Variants in CNTN6 observed in about 807,000 individuals in gnomAD.
CNTN6 encodes the protein contactin 6.
In CNTN6, 137 loss-of-function variants were observed where a neutral mutation model predicts 122.8. The ratio of observed to expected loss-of-function variants is 1.12; its 90% CI spans 0.97 to 1.29. The LOEUF is 1.29. Among genes scored for constraint, CNTN6 ranks in the 50% most tolerant of loss-of-function variants. The pLI is 0.00. For synonymous variants in CNTN6, 570 were observed against 426.0 expected, an observed-to-expected ratio of 1.34 and a Z score of -4.16; for missense variants, 1,634 against 1,223.4, an observed-to-expected ratio of 1.34 and a Z score of -5.01.
chr3:1,245,297 TATATATA>T lies in CNTN6; in HGVS notation c.358+17305_358+17311del, dbSNP rs2094561250. On this transcript the variant is annotated intron_variant, in intron 4 of 22. Transcript: ENST00000446702. Reference sequence around the variant, plus strand: ...TATACACACACATATATATATAACATATATATATATATATATATATATATATATATAT... The same window carrying T: ...TATACACACACATATATATATAACATTATATATATATATATATATATATAT... Among the ~76,000 whole-genome samples, 16 of 4,234 alleles carry T rather than the reference TATATATA, an allele frequency of 3.8e-3. 2 individuals carry two copies. Among genetic ancestry groups the T allele is most frequent in the African/African-American group, 8.6e-3 (7 of 814 alleles). The allele number at this position is 4,234 out of a possible 152,430, so 2.8% of individuals were successfully genotyped here.
chr3:1,373,985 G>A lies in CNTN6; in HGVS notation c.2007G>A (p.Val669=), dbSNP rs751450061. The A allele has an allele frequency of 5.6e-6, 9 of 1,613,118 alleles. No individual in the cohort carries two copies. Among genetic ancestry groups the A allele is most frequent in the Non-Finnish European group, 7.6e-6 (9 of 1,179,408 alleles). Residue 669 remains valine (V), a synonymous_variant, in exon 16 of 23, where the codon GTG becomes GTA. Coordinates refer to ENST00000446702, the MANE Select transcript of CNTN6 (RefSeq NM_001289080.2). ...CAGTGGTTGGTTTGAGTCCTTGGGT[G>A]GAATATGAATTTCGTGTTGTTGCCG... The part of the protein sequence containing the change: ...NATVVGLSPW[V]EYEFRVVAGN...
intron 12 of CNTN6, among the ~76,000 whole-genome samples, chr3:1,367,043 G>T (rs898160634): frequency 6.6e-6 from 1 of 152,016 alleles, no homozygotes; most frequent in Non-Finnish European, 1.5e-5. Context: ...TTGATGAATA[G>T]TAATTTTGTT....
At chr3:1,296,322 A>G (rs1027272370) in intron 6 of CNTN6, among the ~76,000 whole-genome samples, 1 of 151,808 alleles carries the variant, frequency 6.6e-6, no homozygotes, top group African/African-American at 2.4e-5. Context: ...TCCAGAGAAG[A>G]ATGAAACACA....
chr3:1,285,838 A>G (rs6763212), intron 5 of CNTN6, among the ~76,000 whole-genome samples: 132,333 of 152,164 alleles, frequency 0.87, 57,716 homozygotes, highest in East Asian at 0.98. Context: ...CAAGGAGATA[A>G]CAAGAGTTCT....
rs150794474 is a variant in CNTN6, at chr3:1,287,291, C to T, written c.455-8310C>T. Reference sequence around the variant, plus strand: ...CGTTGTTAAGATGTTTAGTAATATCCCTGGCTTTTACTTACTAGATGCCAA... The same window carrying T: ...CGTTGTTAAGATGTTTAGTAATATCTCTGGCTTTTACTTACTAGATGCCAA... On this transcript the variant is annotated intron_variant, in intron 5 of 22. Transcript: ENST00000446702. 8.0e-3 allele frequency among the ~76,000 whole-genome samples: 1,217 copies of T among 152,186 alleles called. 11 individuals are homozygous for T. Among genetic ancestry groups the T allele is most frequent in the Non-Finnish European group, 0.014 (919 of 68,012 alleles).
chr3:1,179,576 A>G (rs2093516626), intron 2 of CNTN6, among the ~76,000 whole-genome samples: 2 of 152,112 alleles, frequency 1.3e-5, no homozygotes, highest in South Asian at 4.1e-4. Flanking sequence ...AATGCTTCTT[A>G]TCTCTAGCTG....
intron 2 of CNTN6, among the ~76,000 whole-genome samples, chr3:1,219,659 T>A (rs1256787866): frequency 6.6e-6 from 1 of 152,084 alleles, no homozygotes; most frequent in Non-Finnish European, 1.5e-5. Context: ...TCTAAGGTGT[T>A]AAAGTCAGGG....
Position 1,245,302 on chromosome 3 carries a change from AT to A in CNTN6, c.358+17310del, listed in dbSNP as rs1311262277. Among the ~76,000 whole-genome samples the A allele has an allele frequency of 2.6e-3, 16 of 6,192 alleles. 2 individuals are homozygous for A. The highest frequency in any genetic ancestry group is 8.9e-3 in the African/African-American group (15 of 1,690). The allele number at this position is 6,192 out of a possible 152,430, so 4.1% of individuals were successfully genotyped here. On this transcript the variant is annotated intron_variant, in intron 4 of 22. Coordinates refer to ENST00000446702, the MANE Select transcript of CNTN6 (RefSeq NM_001289080.2). ...ACACACATATATATATAACATATAT[AT>A]ATATATATATATATATATATATATA...
intron 12 of CNTN6, among the ~76,000 whole-genome samples, chr3:1,368,857 C>A (rs1708593220): frequency 6.6e-6 from 1 of 152,064 alleles, no homozygotes; most frequent in African/African-American, 2.4e-5. Flanking sequence ...GTATTTAATA[C>A]CTTTAATGAC....
intron 2 of CNTN6, among the ~76,000 whole-genome samples, chr3:1,159,882 G>A (rs185951924): frequency 3.0e-4 from 46 of 151,828 alleles, no homozygotes; most frequent in Admixed American, 5.9e-4. Context: ...GTACAGTGGC[G>A]CGGTCTCAGC....
chr3:1,302,638 T>C (rs1697620919), intron 7 of CNTN6, among the ~76,000 whole-genome samples: 1 of 152,162 alleles, frequency 6.6e-6, no homozygotes, highest in Non-Finnish European at 1.5e-5. Context: ...TTGGCTTTTG[T>C]TAAATGTTTG....
At chr3:1,105,782 C>G (rs924095498) in intron 1 of CNTN6, among the ~76,000 whole-genome samples, 4 of 152,110 alleles carry the variant, frequency 2.6e-5, no homozygotes, top group African/African-American at 9.7e-5. Context: ...CTAGCATTGT[C>G]TGGCCTGTGG....
intron 4 of CNTN6, among the ~76,000 whole-genome samples, chr3:1,270,473 T>C (rs1271017981): frequency 6.6e-6 from 1 of 152,212 alleles, no homozygotes; most frequent in Non-Finnish European, 1.5e-5. Context: ...TCTTGGTGTC[T>C]TTCACCATTT....
At chr3:1,131,233 C>G (rs553280454) in intron 1 of CNTN6, among the ~76,000 whole-genome samples, 1 of 152,004 alleles carries the variant, frequency 6.6e-6, no homozygotes, top group South Asian at 2.1e-4. Flanking sequence ...GTGCTGAGCT[C>G]AGAAGTAAGT....
At chr3:1,147,405 T>A (rs184076043) in intron 1 of CNTN6, among the ~76,000 whole-genome samples, 13 of 152,224 alleles carry the variant, frequency 8.5e-5, no homozygotes, top group Non-Finnish European at 1.2e-4. Flanking sequence ...ACATGAGTTG[T>A]TACAGAACAT....
chr3:1,387,852 A>G (rs376333557), intron 20 of CNTN6, among the ~76,000 whole-genome samples: 1,627 of 152,238 alleles, frequency 0.011, 21 homozygotes, highest in Middle Eastern at 0.02. Context: ...CGCTTTTCGG[A>G]CCAGCTTAAA....
rs535851299 is a variant in CNTN6, at chr3:1,207,297, AACATATT to A, written c.56-13386_56-13380del. Among the ~76,000 whole-genome samples the A allele has an allele frequency of 8.7e-4, 133 of 152,226 alleles. 4 individuals are homozygous for A. Among genetic ancestry groups the A allele is most frequent in the African/African-American group, 3.1e-3 (129 of 41,562 alleles). The stretch of plus-strand genomic sequence containing the variant: ...ATTCATGATTTCCAAATTTTTCTCC[AACATATT>A]ACAAATCTCATTGCTTTAATATACA... On this transcript the variant is annotated intron_variant, in intron 2 of 22. Transcript: ENST00000446702.
intron 20 of CNTN6, among the ~76,000 whole-genome samples, chr3:1,395,729 T>C (rs9869085): frequency 0.014 from 2,080 of 152,332 alleles, 45 homozygotes; most frequent in African/African-American, 0.046. Flanking sequence ...GATGTGATCA[T>C]GTTTTGGGGG....
intron 7 of CNTN6, among the ~76,000 whole-genome samples, chr3:1,312,457 T>C (rs1390022412): frequency 6.6e-6 from 1 of 152,022 alleles, no homozygotes; most frequent in Non-Finnish European, 1.5e-5. Context: ...GGATTTCAAA[T>C]CTAAGTTGGA....
Sources: allele counts gnomAD v4.1 joint callset (sites outside exome capture counted in the v4.1 genomes callset), GRCh38; gene constraint gnomAD v4.1.1; transcripts MANE v1.5; gene names NCBI Gene and HGNC (gene_info 2026-07-23, HGNC 2026-07-21).